The following OS9 variants were observed in gnomAD, a reference collection of about 807,000 sequenced individuals.
OS9 encodes the protein protein OS-9.
A neutral mutation model predicts 84.7 loss-of-function variants in OS9; 58 were observed. That is an observed-to-expected ratio of 0.68 (90% confidence interval 0.55 to 0.85). The LOEUF (loss-of-function observed/expected upper bound fraction) is 0.85, where lower values mean the gene tolerates loss of function less well. OS9 is among the 40% of genes least tolerant of loss of function. OS9 has a pLI of 0.00. For missense variants in OS9, 760 were observed against 850.9 expected (o/e 0.89, Z 1.33); for synonymous variants, 278 against 320.8 (o/e 0.87, Z 1.43).
chr12:57,696,463 C>T lies in OS9; in HGVS notation c.579+90C>T, dbSNP rs11172303. On this transcript the variant is annotated intron_variant, in intron 5 of 14. Coordinates refer to ENST00000315970, the MANE Select transcript of OS9 (RefSeq NM_006812.4). ...TTGCATCTTATAGTCGGGGCGGGGG[C>T]GGGGGGGGTCCCCTCCCAGACCCTA... 209 of 64,758 alleles carry T rather than the reference C, an allele frequency of 3.2e-3. 16 individuals are homozygous for T. Among genetic ancestry groups the T allele is most frequent in the African/African-American group, 0.014 (94 of 6,608 alleles). The allele number at this position is 64,758 out of a possible 1,614,324, so 4.0% of individuals were successfully genotyped here. A position where few individuals can be genotyped will look rare whatever the true frequency, so the allele number is the denominator to read the frequency against.
rs869110477 is a variant in OS9, at chr12:57,696,463, C to CG, written c.579+98dup. The CG allele has an allele frequency of 1.4e-3, 92 of 64,742 alleles. 1 individual carries two copies. The highest frequency in any genetic ancestry group is 2.2e-3 in the Admixed American group (11 of 4,998). The allele number at this position is 64,742 out of a possible 1,614,324, so 4.0% of individuals were successfully genotyped here. A position where few individuals can be genotyped will look rare whatever the true frequency, so the allele number is the denominator to read the frequency against. On this transcript the variant is annotated intron_variant, in intron 5 of 14. Transcript: ENST00000315970. ...TTGCATCTTATAGTCGGGGCGGGGG[C>CG]GGGGGGGGTCCCCTCCCAGACCCTA...
At chr12:57,716,029 G>T (rs2140329430) in intron 6 of OS9, 59 bp downstream of exon 6, 1 of 1,597,942 alleles carries the variant, frequency 6.3e-7, no homozygotes, top group East Asian at 2.2e-5. Flanking sequence ...GGTGGCAAAA[G>T]ATCAAGTATT....
chr12:57,714,228 C>T (rs977357578), intron 5 of OS9, among the ~76,000 whole-genome samples: 1 of 152,300 alleles, frequency 6.6e-6, no homozygotes, highest in East Asian at 1.9e-4. Flanking sequence ...TGTATTGAGA[C>T]AGAGTTTCAC....
chr12:57,700,313 A>G (rs910193681), intron 5 of OS9, among the ~76,000 whole-genome samples: 2 of 152,022 alleles, frequency 1.3e-5, no homozygotes, highest in African/African-American at 4.8e-5. Flanking sequence ...AAGTCAAGGT[A>G]CAGTAGAGAG....
chr12:57,701,869 T>C (rs900411647), intron 5 of OS9, among the ~76,000 whole-genome samples: 1 of 152,170 alleles, frequency 6.6e-6, no homozygotes, highest in Non-Finnish European at 1.5e-5. Flanking sequence ...TGATCTTGGC[T>C]CACTGCAACC....
chr12:57,701,074 C>G lies in OS9; in HGVS notation c.579+4701C>G, dbSNP rs1565769605. 9.4e-4 allele frequency among the ~76,000 whole-genome samples: 3 copies of G among 3,178 alleles called. No homozygotes were observed. In the South Asian group the frequency reaches 0.38, roughly 397 times the overall value. 2.1% of individuals were successfully genotyped at this position (3,178 alleles called of 152,430 possible). On this transcript the variant is annotated intron_variant, in intron 5 of 14. Transcript: ENST00000315970. ...AAGCCCACCTTCATATTTAGTCACT[C>G]TCCCTCCCGCCAGAAACAACCACAA...
intron 5 of OS9, among the ~76,000 whole-genome samples, chr12:57,706,248 T>A (rs1457683624): frequency 6.6e-6 from 1 of 152,208 alleles, no homozygotes; most frequent in East Asian, 1.9e-4. Context: ...TTATTCTGTG[T>A]CTATTGAGAT....
chr12:57,697,468 G>C (rs1475131856), intron 5 of OS9, among the ~76,000 whole-genome samples: 1 of 152,212 alleles, frequency 6.6e-6, no homozygotes, highest in Admixed American at 6.5e-5. Flanking sequence ...TTGATGGTTT[G>C]GATGTGGGAT....
chr12:57,711,038 C>CA (rs35365273), intron 5 of OS9, among the ~76,000 whole-genome samples: 16,233 of 71,658 alleles, frequency 0.23, 1,509 homozygotes, highest in East Asian at 0.49. Context: ...GACTCCGTCT[C>CA]AAAAAAAAAA....
chr12:57,711,170 T>A (rs922215055), intron 5 of OS9, among the ~76,000 whole-genome samples: 2 of 151,984 alleles, frequency 1.3e-5, no homozygotes, highest in Non-Finnish European at 2.9e-5. Context: ...GTTTTGCATG[T>A]ATCCTTCCAG....
At chr12:57,703,767 T>G (rs1954090061) in intron 5 of OS9, among the ~76,000 whole-genome samples, 2 of 152,204 alleles carry the variant, frequency 1.3e-5, no homozygotes, top group South Asian at 4.1e-4. Context: ...TTAAGATTTT[T>G]TTTTTTCTAT....
Position 57,720,178 on chromosome 12 carries a change from C to T in OS9, c.1680C>T (p.Leu560=), listed in dbSNP as rs772562384. 1.4e-5 allele frequency: 22 copies of T among 1,614,188 alleles called. No homozygotes were observed. Among genetic ancestry groups the T allele is most frequent in the East Asian group, 6.7e-5 (3 of 44,888 alleles). ...LGGPNQDLTV[L]EMKRENPQLK... ...GCCCTAATCAGGATCTGACTGTCCTCGAGATGAAACGGGAAAACCCACAGC... is the reference window on the plus strand; with the variant it reads ...GCCCTAATCAGGATCTGACTGTCCTTGAGATGAAACGGGAAAACCCACAGC... Residue 560 remains leucine, a synonymous_variant, in exon 13 of 15, where the codon CTC becomes CTT. Coordinates refer to ENST00000315970, the MANE Select transcript of OS9 (RefSeq NM_006812.4).
At chr12:57,694,703 C>T in intron 1 of OS9, 47 bp from the exon 2 acceptor site, 2 of 1,591,420 alleles carry the variant, frequency 1.3e-6, no homozygotes, top group Non-Finnish European at 1.7e-6. Flanking sequence ...TCCCTGATCC[C>T]AGCCTTTCTT....
chr12:57,695,000 T>TG (rs1332658658), intron 2 of OS9, 74 bp downstream of exon 2: 34 of 1,365,254 alleles, frequency 2.5e-5, no homozygotes, highest in Non-Finnish European at 3.4e-5. Context: ...GTCCACTGAA[T>TG]GAGGCAGGAT....
rs750690062 is a variant in OS9 at position 57,720,404 on chromosome 12, A to G, written c.1766-2A>G. ...CTCTCACTGCATACTGCTCCTTTCC[A>G]GGGAAAATTGAGATCAAAATTGTCC... On this transcript the variant is annotated splice_acceptor_variant, in intron 13 of 14. Transcript: ENST00000315970. LOFTEE classifies it high-confidence loss of function. The G allele has an allele frequency of 6.2e-7, 1 of 1,612,510 alleles. No individual in the cohort carries two copies. Among genetic ancestry groups the G allele is most frequent in the Admixed American group, 1.7e-5 (1 of 60,028 alleles).
At chr12:57,717,520 T>C (rs917419041) in intron 9 of OS9, among the ~76,000 whole-genome samples, 2 of 151,990 alleles carry the variant, frequency 1.3e-5, no homozygotes, top group African/African-American at 4.8e-5. Context: ...GAGCCGGGCG[T>C]GGTGGCTCAT....
chr12:57,697,531 T>C (rs926783860), intron 5 of OS9, among the ~76,000 whole-genome samples: 3 of 152,150 alleles, frequency 2.0e-5, no homozygotes, highest in Non-Finnish European at 2.9e-5. Flanking sequence ...AATGATGGAA[T>C]TGTAATTTAC....
chr12:57,694,741 C>A lies in OS9; in HGVS notation c.163-9C>A. 6.2e-7 allele frequency: 1 copy of A among 1,613,346 alleles called. No homozygotes were observed. Among genetic ancestry groups the A allele is most frequent in the African/African-American group, 1.3e-5 (1 of 75,004 alleles). On this transcript the variant is annotated splice_polypyrimidine_tract_variant and intron_variant, in intron 1 of 14. Coordinates refer to ENST00000315970, the MANE Select transcript of OS9 (RefSeq NM_006812.4). ...CTTCCTTGCCCCCCGACCCTCCCTTCTTTCCCAGAGCCAATCTTCGGACGT... is the reference window on the plus strand; with the variant it reads ...CTTCCTTGCCCCCCGACCCTCCCTTATTTCCCAGAGCCAATCTTCGGACGT...
chr12:57,694,680 G>A, intron 1 of OS9, 70 bp from the exon 2 acceptor site: 1 of 1,463,954 alleles, frequency 6.8e-7, no homozygotes, highest in Non-Finnish European at 9.6e-7. Context: ...TTTGAAGAGG[G>A]ATTTCGTTGT....
Sources: allele counts gnomAD v4.1 joint callset (sites outside exome capture counted in the v4.1 genomes callset), GRCh38; gene constraint gnomAD v4.1.1; transcripts MANE v1.5; gene names NCBI Gene and HGNC (gene_info 2026-07-23, HGNC 2026-07-21).